Variants in GRID2 observed in about 807,000 individuals in gnomAD.
GRID2 encodes glutamate receptor ionotropic, delta-2.
Under a neutral mutation model 114.8 loss-of-function variants are expected in GRID2, and 33 were observed. That is an observed-to-expected ratio of 0.29 (90% confidence interval 0.22 to 0.38). The LOEUF is 0.38. Ranked by LOEUF, GRID2 falls within the 10% of genes least tolerant of loss-of-function variation. GRID2 has a pLI of 1.00. For missense variants in GRID2, 1,184 were observed against 1,257.7 expected, an observed-to-expected ratio of 0.94 and a Z score of 0.89; for synonymous variants, 505 against 449.9, an observed-to-expected ratio of 1.12 and a Z score of -1.55.
chr4:92,479,492 A>C (rs1722478130), intron 1 of GRID2, among the ~76,000 whole-genome samples: 2 of 152,126 alleles, frequency 1.3e-5, no homozygotes, highest in African/African-American at 4.8e-5. Flanking sequence ...CATTTTCAAT[A>C]CCTCCGTATT....
chr4:92,893,981 C>T (rs1746977082), intron 2 of GRID2, among the ~76,000 whole-genome samples: 1 of 152,078 alleles, frequency 6.6e-6, no homozygotes, highest in Admixed American at 6.6e-5. Flanking sequence ...ACCCAGTAAA[C>T]TTTTAAATTT....
At chr4:93,589,809 G>A (rs62320411) in intron 13 of GRID2, among the ~76,000 whole-genome samples, 8 of 152,024 alleles carry the variant, frequency 5.3e-5, no homozygotes, top group Admixed American at 3.9e-4. Flanking sequence ...GCCAGTGATG[G>A]TGAGCATTTT....
At chr4:93,400,558 T>G (rs573491246) in intron 9 of GRID2, among the ~76,000 whole-genome samples, 1 of 152,166 alleles carries the variant, frequency 6.6e-6, no homozygotes, top group South Asian at 2.1e-4. Flanking sequence ...AAAACACTAT[T>G]GGAAACATTA....
At chr4:92,542,504 C>G (rs1360579041) in intron 1 of GRID2, among the ~76,000 whole-genome samples, 1 of 151,978 alleles carries the variant, frequency 6.6e-6, no homozygotes, top group Non-Finnish European at 1.5e-5. Flanking sequence ...AGTTGAAGAT[C>G]ATTATTCTAA....
chr4:93,775,347 T>G (rs1734347055), downstream of GRID2, among the ~76,000 whole-genome samples: 4 of 152,192 alleles, frequency 2.6e-5, no homozygotes, highest in South Asian at 8.3e-4. Context: ...TTTAAAACTC[T>G]GCCACCCTTC....
intron 1 of GRID2, among the ~76,000 whole-genome samples, chr4:92,413,434 G>C (rs145005655): frequency 6.6e-6 from 1 of 152,114 alleles, no homozygotes; most frequent in East Asian, 1.9e-4. Context: ...TAGCAGTTTA[G>C]ATTTACACCT....
chr4:92,872,147 C>T (rs1213593246), intron 2 of GRID2, among the ~76,000 whole-genome samples: 1 of 151,952 alleles, frequency 6.6e-6, no homozygotes, highest in African/African-American at 2.4e-5. Flanking sequence ...GAAATTACAG[C>T]TTGTTTCATA....
chr4:92,360,993 C>T (rs1362501820), intron 1 of GRID2, among the ~76,000 whole-genome samples: 3 of 151,924 alleles, frequency 2.0e-5, no homozygotes, highest in Non-Finnish European at 2.9e-5. Flanking sequence ...GTCTCTTCTA[C>T]TTTTTTATTC....
intron 1 of GRID2, among the ~76,000 whole-genome samples, chr4:92,316,240 C>T (rs755369710): frequency 1.2e-4 from 19 of 152,064 alleles, no homozygotes; most frequent in Non-Finnish European, 2.1e-4. Context: ...GATATACCAA[C>T]AACTCTCAGC....
intron 2 of GRID2, among the ~76,000 whole-genome samples, chr4:92,709,589 A>AATATATATATATAT (rs1553919235): frequency 2.6e-5 from 3 of 114,660 alleles, no homozygotes; most frequent in African/African-American, 3.4e-5. Context: ...AAAAAAAAAA[A>AATATATATATATAT]ATATATATAT....
chr4:92,627,493 A>G (rs552434729), intron 2 of GRID2, among the ~76,000 whole-genome samples: 1 of 152,240 alleles, frequency 6.6e-6, no homozygotes, highest in Non-Finnish European at 1.5e-5. Context: ...TGTTATTAGT[A>G]AATTATTAGC....
At chr4:92,962,570 TAA>T (rs1358267758) in intron 2 of GRID2, among the ~76,000 whole-genome samples, 2 of 152,000 alleles carry the variant, frequency 1.3e-5, no homozygotes, top group Non-Finnish European at 2.9e-5. Flanking sequence ...AGGTTCAAGT[TAA>T]ACAGTTTCCC....
Position 93,033,954 on chromosome 4 carries a change from ATGT to A in GRID2, c.245-51037_245-51035del, listed in dbSNP as rs1252845449. ...TCATAGAAAAACACATAGTCATAGA[ATGT>A]TGTGATTAGTAGGTAATCACAATAT... is the stretch of plus-strand genomic sequence containing the variant. On this transcript the variant is annotated intron_variant, in intron 2 of 15. Coordinates refer to ENST00000282020, the MANE Select transcript of GRID2 (RefSeq NM_001510.4). Among the ~76,000 whole-genome samples, 3 of 152,202 alleles carry A rather than the reference ATGT, an allele frequency of 2.0e-5. No individual in the cohort carries two copies. The East Asian group carries it at 5.8e-4, about 29-fold the overall frequency.
At chr4:93,066,351 A>C (rs1728292931) in intron 2 of GRID2, among the ~76,000 whole-genome samples, 1 of 151,974 alleles carries the variant, frequency 6.6e-6, no homozygotes, top group African/African-American at 2.4e-5. Context: ...GATGAGGATA[A>C]GAGGGACTAT....
chr4:93,578,587 A>ATTTTTTTTTGTTTTTTT (rs1736647317), intron 13 of GRID2, among the ~76,000 whole-genome samples: 1 of 83,926 alleles, frequency 1.2e-5, no homozygotes, highest in Non-Finnish European at 2.2e-5. Flanking sequence ...TGTTTTTTGT[A>ATTTTTTTTTGTTTTTTT]TTTTTTTTTT....
At chr4:93,427,333 T>C (rs2149374905) in intron 10 of GRID2, among the ~76,000 whole-genome samples, 1 of 152,080 alleles carries the variant, frequency 6.6e-6, no homozygotes, top group African/African-American at 2.4e-5. Flanking sequence ...AAAGCAAGCT[T>C]ATTATTGTTA....
At chr4:93,676,463 T>C (rs1724865841) in intron 14 of GRID2, among the ~76,000 whole-genome samples, 1 of 152,146 alleles carries the variant, frequency 6.6e-6, no homozygotes, top group Non-Finnish European at 1.5e-5. Context: ...TTGATGACAC[T>C]GAAATTTGAA....
intron 4 of GRID2, among the ~76,000 whole-genome samples, chr4:93,187,876 G>T (rs1740587579): frequency 6.6e-6 from 1 of 152,248 alleles, no homozygotes; most frequent in Admixed American, 6.5e-5. Flanking sequence ...CAAGGCTGGA[G>T]AATAATTCTT....
At chr4:92,817,198 C>A (rs1740970858) in intron 2 of GRID2, among the ~76,000 whole-genome samples, 1 of 152,064 alleles carries the variant, frequency 6.6e-6, no homozygotes, top group East Asian at 1.9e-4. Context: ...TTAAAATTTT[C>A]TTTAACTGTA....
Sources: gnomAD v4.1 joint callset for allele counts (sites outside exome capture counted in the v4.1 genomes callset) on GRCh38, gnomAD v4.1.1 for gene constraint, MANE v1.5 for transcripts, NCBI Gene and HGNC (gene_info 2026-07-23, HGNC 2026-07-21) for gene names.